Variants in RBFOX1 observed in about 807,000 individuals in gnomAD.
RBFOX1 encodes RNA binding protein fox-1 homolog 1.
Under a neutral mutation model 57.7 loss-of-function variants are expected in RBFOX1, and 8 were observed. That is an observed-to-expected ratio of 0.14 (90% CI 0.08 to 0.25). The LOEUF is 0.25. Among genes scored for constraint, RBFOX1 ranks in the 10% least tolerant of loss-of-function variants. The probability of loss-of-function intolerance (pLI) is 1.00; values close to 1 mark genes in which losing one functional copy is unlikely to be tolerated. For missense variants in RBFOX1, 611 were observed against 548.5 expected, an observed-to-expected ratio of 1.11 and a Z score of -1.14; for synonymous variants, 326 against 222.4, an observed-to-expected ratio of 1.47 and a Z score of -4.15.
chr16:7,084,566 GCC>G (rs755618007), intron 4 of RBFOX1, among the ~76,000 whole-genome samples: 4 of 152,166 alleles, frequency 2.6e-5, no homozygotes, highest in Non-Finnish European at 5.9e-5. Context: ...TCAAGGTGCT[GCC>G]TCATAACTGA....
intron 4 of RBFOX1, among the ~76,000 whole-genome samples, chr16:7,118,827 G>A (rs1342756898): frequency 6.6e-6 from 1 of 152,116 alleles, no homozygotes; most frequent in African/African-American, 2.4e-5. Context: ...AATTACCAGG[G>A]CACCGAAAGA....
chr16:5,521,330 C>T (rs1412709159), intron 2 of RBFOX1, among the ~76,000 whole-genome samples: 1 of 120,420 alleles, frequency 8.3e-6, no homozygotes, highest in Non-Finnish European at 1.6e-5. Context: ...GCAATTCATG[C>T]AGACTCAGCA....
At chr16:5,570,773 G>A (rs1191743817) in intron 2 of RBFOX1, among the ~76,000 whole-genome samples, 1 of 151,486 alleles carries the variant, frequency 6.6e-6, no homozygotes, top group East Asian at 1.9e-4. Flanking sequence ...CCGGGAGATC[G>A]AGGTTGTAGT....
chr16:5,828,252 C>T (rs543311142), intron 3 of RBFOX1, among the ~76,000 whole-genome samples: 2 of 152,230 alleles, frequency 1.3e-5, no homozygotes, highest in South Asian at 2.1e-4. Context: ...TCTACCCATC[C>T]ATGTGTGGGA....
At chr16:7,607,382 A>C (rs760435182) in intron 10 of RBFOX1, 44 bp downstream of exon 10, 3 of 1,556,208 alleles carry the variant, frequency 1.9e-6, no homozygotes, top group Admixed American at 1.8e-5. Flanking sequence ...GTCTTTTCTA[A>C]ATGTGCTTTG....
At position 5,857,028 on chromosome 16, in the gene RBFOX1, T is replaced by C. The variant is rs61607393; in HGVS notation, c.319-10275T>C. Among the ~76,000 whole-genome samples the C allele has an allele frequency of 8.0e-3, 1,224 of 152,302 alleles. 13 individuals are homozygous for C. The highest frequency in any genetic ancestry group is 0.028 in the African/African-American group (1,152 of 41,556). The stretch of plus-strand genomic sequence containing the variant: ...GCCTATCTTTGCTTTTGACATGCTT[T>C]TCTCACAAAGTTTAATCATTAGTTT... On this transcript the variant is annotated intron_variant, in intron 3 of 19. Transcript: ENST00000641259.
chr16:5,719,831 G>C (rs1015471508), intron 3 of RBFOX1, among the ~76,000 whole-genome samples: 8 of 152,094 alleles, frequency 5.3e-5, no homozygotes, highest in Non-Finnish European at 1.2e-4. Flanking sequence ...TTGTTTCCGT[G>C]TTTGGCTATT....
chr16:7,266,270 C>T (rs763374747), intron 4 of RBFOX1, among the ~76,000 whole-genome samples: 17 of 152,126 alleles, frequency 1.1e-4, no homozygotes, highest in East Asian at 1.9e-4. Flanking sequence ...CCACCGTGCC[C>T]GGCCGGTAGA....
intron 3 of RBFOX1, among the ~76,000 whole-genome samples, chr16:6,972,203 C>T (rs577955970): frequency 1.3e-5 from 2 of 152,044 alleles, no homozygotes; most frequent in East Asian, 1.9e-4. Flanking sequence ...AAAGCTTTTT[C>T]ATCCTCTAAA....
At chr16:5,428,750 G>C (rs905292781) in intron 1 of RBFOX1, among the ~76,000 whole-genome samples, 3 of 152,158 alleles carry the variant, frequency 2.0e-5, no homozygotes, top group East Asian at 1.9e-4. Context: ...GGAGGTTTCT[G>C]GGTTGGAGAA....
intron 1 of RBFOX1, among the ~76,000 whole-genome samples, chr16:6,130,796 C>A (rs1167737198): frequency 6.6e-6 from 1 of 152,012 alleles, no homozygotes; most frequent in Non-Finnish European, 1.5e-5. Context: ...TCAGAATGAT[C>A]AAATGGTTAA....
intron 3 of RBFOX1, among the ~76,000 whole-genome samples, chr16:6,698,637 C>T (rs181826253): frequency 5.3e-5 from 8 of 152,182 alleles, no homozygotes; most frequent in Non-Finnish European, 1.5e-5. Flanking sequence ...TTCACCGAGG[C>T]AGACGTGGTG....
intron 4 of RBFOX1, among the ~76,000 whole-genome samples, chr16:7,115,770 A>C (rs1170553325): frequency 2.0e-5 from 3 of 152,196 alleles, no homozygotes; most frequent in Non-Finnish European, 4.4e-5. Context: ...CCCTATAATT[A>C]ATTAATCTAG....
chr16:6,565,711 G>A lies in RBFOX1; in HGVS notation c.-63-88892G>A, dbSNP rs149437283. Among the ~76,000 whole-genome samples, 302 of 151,880 alleles carry A rather than the reference G, an allele frequency of 2.0e-3. 6 individuals are homozygous for A. Among genetic ancestry groups the A allele is most frequent in the Admixed American group, 0.017 (260 of 15,252 alleles). ...TCTCGATCTCCTGACCTCGTGATCC[G>A]CCCGCTTTGGCTTTCCAAAGTGCTG... On this transcript the variant is annotated intron_variant, in intron 2 of 15. Transcript: ENST00000550418.
intron 2 of RBFOX1, among the ~76,000 whole-genome samples, chr16:6,609,781 A>G (rs918975820): frequency 6.6e-6 from 1 of 152,040 alleles, no homozygotes; most frequent in Non-Finnish European, 1.5e-5. Flanking sequence ...AGGCCGAGGC[A>G]GGCAAATTAC....
intron 4 of RBFOX1, among the ~76,000 whole-genome samples, chr16:7,453,174 G>T (rs1026955696): frequency 2.7e-5 from 4 of 150,704 alleles, no homozygotes; most frequent in Admixed American, 6.6e-5. Flanking sequence ...ATGCTACATT[G>T]TTTGGTAGCC....
In RBFOX1 at chr16:5,533,517, G is replaced by T. The variant is rs566591751; in HGVS notation, c.259-65385G>T. Among the ~76,000 whole-genome samples, 30 of 152,262 alleles carry T rather than the reference G, an allele frequency of 2.0e-4. No homozygotes were observed. In the South Asian group the frequency reaches 6.0e-3, roughly 31 times the overall value. On this transcript the variant is annotated intron_variant, in intron 2 of 2. Transcript: ENST00000585867. Reference sequence around the variant, plus strand: ...GAGTGCTTGTGTGTATTACAGAGATGCAAGGAACATTTAAAGTCTGAGCAG... The same window carrying T: ...GAGTGCTTGTGTGTATTACAGAGATTCAAGGAACATTTAAAGTCTGAGCAG...
At chr16:7,496,065 G>T (rs8048171) in intron 4 of RBFOX1, among the ~76,000 whole-genome samples, 1 of 152,148 alleles carries the variant, frequency 6.6e-6, no homozygotes, top group South Asian at 2.1e-4. Flanking sequence ...ACTAGGCTGG[G>T]TCCACATTCT....
intron 4 of RBFOX1, among the ~76,000 whole-genome samples, chr16:7,394,298 G>GA (rs1403614465): frequency 7.9e-6 from 1 of 126,666 alleles, no homozygotes; most frequent in East Asian, 2.5e-4. Context: ...CATAGAATGA[G>GA]AAAAAAATCT....
Sources: gnomAD v4.1 joint callset for allele counts (sites outside exome capture counted in the v4.1 genomes callset) on GRCh38, gnomAD v4.1.1 for gene constraint, MANE v1.5 for transcripts, NCBI Gene and HGNC (gene_info 2026-07-23, HGNC 2026-07-21) for gene names.